SGIP1: variants seen among roughly 807,000 people sequenced by gnomAD.
SGIP1 encodes the protein SH3-containing GRB2-like protein 3-interacting protein 1.
In SGIP1, 38 loss-of-function variants were observed where a neutral mutation model predicts 107.5. The observed-to-expected ratio is 0.35, with a 90% CI of 0.27 to 0.46. SGIP1 has a LOEUF of 0.46. SGIP1 is among the 20% of genes least tolerant of loss of function. The pLI is 1.00. For synonymous variants in SGIP1, 365 were observed against 366.1 expected, an observed-to-expected ratio of 1.00 and a Z score of 0.03; for missense variants, 929 against 1,019.5, an observed-to-expected ratio of 0.91 and a Z score of 1.21.
At chr1:66,664,482 C>G (rs908865251) in intron 8 of SGIP1, among the ~76,000 whole-genome samples, 16 of 152,138 alleles carry the variant, frequency 1.1e-4, no homozygotes, top group Non-Finnish European at 2.4e-4. Flanking sequence ...CAATGCCAAG[C>G]TTGGCATCAT....
At chr1:66,699,480 T>C (rs1191115620) in intron 18 of SGIP1, among the ~76,000 whole-genome samples, 1 of 152,206 alleles carries the variant, frequency 6.6e-6, no homozygotes, top group Non-Finnish European at 1.5e-5. Context: ...TCTCACATGC[T>C]GGCTCCAGGG....
chr1:66,550,739 G>A (rs927604908), intron 1 of SGIP1, among the ~76,000 whole-genome samples: 18 of 151,980 alleles, frequency 1.2e-4, no homozygotes, highest in African/African-American at 4.1e-4. Context: ...TTGATACTAC[G>A]ATAATTATTT....
intron 12 of SGIP1, among the ~76,000 whole-genome samples, chr1:66,676,723 T>C (rs766874799): frequency 6.6e-6 from 1 of 152,160 alleles, no homozygotes; most frequent in Non-Finnish European, 1.5e-5. Context: ...AGAATGTCCT[T>C]ACGTGACCAC....
chr1:66,693,060 GT>G (rs934226412), intron 17 of SGIP1, among the ~76,000 whole-genome samples: 4 of 147,276 alleles, frequency 2.7e-5, no homozygotes, highest in African/African-American at 1.1e-4. Context: ...AAGATAAAAT[GT>G]TTTTTTATTA....
chr1:66,645,910 G>T (rs1176304439), intron 7 of SGIP1, among the ~76,000 whole-genome samples: 1 of 151,976 alleles, frequency 6.6e-6, no homozygotes, highest in Non-Finnish European at 1.5e-5. Flanking sequence ...GTATGATGTC[G>T]GCTGACTGCA....
At chr1:66,536,972 T>C (rs2053766572) in intron 1 of SGIP1, among the ~76,000 whole-genome samples, 1 of 152,206 alleles carries the variant, frequency 6.6e-6, no homozygotes, top group African/African-American at 2.4e-5. Context: ...GAATGGGTCA[T>C]AGTAAACTAC....
chr1:66,653,798 C>A (rs1317172576), intron 7 of SGIP1, among the ~76,000 whole-genome samples: 2 of 152,086 alleles, frequency 1.3e-5, no homozygotes, highest in African/African-American at 4.8e-5. Flanking sequence ...AACTTTTATA[C>A]CTTTAAGGTC....
intron 18 of SGIP1, among the ~76,000 whole-genome samples, chr1:66,697,865 T>A (rs973345096): frequency 6.6e-6 from 1 of 152,180 alleles, no homozygotes; most frequent in African/African-American, 2.4e-5. Context: ...CTTTATTAAA[T>A]AGGATTTCTA....
At chr1:66,741,828 C>T (rs541964246) in intron 24 of SGIP1, among the ~76,000 whole-genome samples, 20 of 151,626 alleles carry the variant, frequency 1.3e-4, no homozygotes, top group South Asian at 4.2e-4. Flanking sequence ...ACTGCAGTGG[C>T]GCGATCTCTA....
chr1:66,679,720 C>A lies in SGIP1; in HGVS notation c.782C>A (p.Pro261His), dbSNP rs1193149870. 6.2e-7 allele frequency: 1 copy of A among 1,605,768 alleles called. No homozygotes were observed. The highest frequency in any genetic ancestry group is 8.5e-7 in the Non-Finnish European group (1 of 1,177,908). The stretch of plus-strand genomic sequence containing the variant: ...CCAAAAAATGTACCAGCTACCCCAC[C>A]CCGAACAGGATCCCCCTTAACAATT... ...LPPKNVPATPPRTGSPLTIGP... is the reference protein window; with the variant it reads ...LPPKNVPATPHRTGSPLTIGP... Residue 261 changes from proline to histidine, a missense_variant, in exon 14 of 25, where the codon CCC becomes CAC. This residue lies in a region of SGIP1 where 588 missense variants were observed against 588.6 expected (regional missense o/e 1.00). Coordinates refer to ENST00000371037, the MANE Select transcript of SGIP1 (RefSeq NM_032291.4).
At chr1:66,598,290 G>A (rs1180164787) in intron 1 of SGIP1, among the ~76,000 whole-genome samples, 2 of 152,170 alleles carry the variant, frequency 1.3e-5, no homozygotes, top group African/African-American at 4.8e-5. Flanking sequence ...ACCTGAAAGA[G>A]ATAATTCATC....
intron 1 of SGIP1, among the ~76,000 whole-genome samples, chr1:66,547,651 T>TA (rs2056657836): frequency 6.6e-6 from 1 of 152,160 alleles, no homozygotes; most frequent in South Asian, 2.1e-4. Flanking sequence ...GCCAGGGGTC[T>TA]AGGTGTGAGA....
intron 1 of SGIP1, among the ~76,000 whole-genome samples, chr1:66,622,921 C>CA (rs1213190612): frequency 6.6e-6 from 1 of 152,256 alleles, no homozygotes. Context: ...TACCTGAAGT[C>CA]AAAAATCATT....
chr1:66,735,744 C>T lies in SGIP1; in HGVS notation c.2031+1864C>T, dbSNP rs1284036556. 8.5e-5 allele frequency among the ~76,000 whole-genome samples: 4 copies of T among 47,270 alleles called. 2 individuals carry two copies. The highest frequency in any genetic ancestry group is 1.8e-4 in the Non-Finnish European group (4 of 22,146). The allele number at this position is 47,270 out of a possible 152,430, so 31.0% of individuals were successfully genotyped here. On this transcript the variant is annotated intron_variant, in intron 21 of 24. Transcript: ENST00000371037. ...CTGAGGCGGGAGAATGGCGTGAACCCGGGAGGCGGAGCTTGCAGTGAGCTG... is the reference window on the plus strand; with the variant it reads ...CTGAGGCGGGAGAATGGCGTGAACCTGGGAGGCGGAGCTTGCAGTGAGCTG...
rs1571185388 is a variant in SGIP1, at chr1:66,550,444, C to T, written c.10+16076C>T. ...CAAAAGATATTTGCCCTGTAACTTG[C>T]CAAAACATAACTGCCCCAGAACAGC... On this transcript the variant is annotated intron_variant, in intron 1 of 24. Transcript: ENST00000371037. Among the ~76,000 whole-genome samples, 3 of 152,134 alleles carry T rather than the reference C, an allele frequency of 2.0e-5. No individual in the cohort carries two copies. In the South Asian group the frequency reaches 6.2e-4, roughly 32 times the overall value.
Position 66,739,440 on chromosome 1 carries a change from G to A in SGIP1, c.2137G>A (p.Ala713Thr), listed in dbSNP as rs752060294. Residue 713 changes from alanine to threonine, a missense_variant, in exon 22 of 25, where the codon GCA becomes ACA. Transcript: ENST00000371037. ...LRIDYKYNTD[A>T]MTTAVALNNV... Reference sequence around the variant, plus strand: ...CATAGATTACAAATATAATACAGATGCAATGACGACTGCTGTGGCCCTCAA... The same window carrying A: ...CATAGATTACAAATATAATACAGATACAATGACGACTGCTGTGGCCCTCAA... The A allele has an allele frequency of 1.1e-5, 17 of 1,614,200 alleles. No individual in the cohort carries two copies. The highest frequency in any genetic ancestry group is 1.7e-5 in the Admixed American group (1 of 60,026).
At chr1:66,676,113 C>A (rs1025287680) in intron 12 of SGIP1, among the ~76,000 whole-genome samples, 5 of 152,140 alleles carry the variant, frequency 3.3e-5, no homozygotes, top group African/African-American at 1.2e-4. Context: ...CTCTGTTAAT[C>A]CTCTTCATAA....
chr1:66,626,137 C>CT (rs35959436), intron 2 of SGIP1: 11,077 of 122,768 alleles, frequency 0.09, 507 homozygotes, highest in Non-Finnish European at 0.097. Context: ...TTCTTTCTTT[C>CT]TTTTTTTTTT....
intron 15 of SGIP1, among the ~76,000 whole-genome samples, chr1:66,683,393 GTCA>G (rs2087266447): frequency 6.6e-6 from 1 of 152,092 alleles, no homozygotes; most frequent in African/African-American, 2.4e-5. Flanking sequence ...CTAATATTCA[GTCA>G]TCATCACTGC....
Sources: allele counts gnomAD v4.1 joint callset (sites outside exome capture counted in the v4.1 genomes callset), GRCh38; gene constraint gnomAD v4.1.1; regional missense constraint gnomAD v4.1.1; transcripts MANE v1.5; gene names NCBI Gene and HGNC (gene_info 2026-07-23, HGNC 2026-07-21).